Variants in MREG observed in about 807,000 individuals in gnomAD.
The protein encoded by MREG is melanoregulin.
In MREG, 31 loss-of-function variants were observed where a neutral mutation model predicts 28.5. The observed-to-expected ratio is 1.09, with a 90% CI of 0.82 to 1.47. The LOEUF (loss-of-function observed/expected upper bound fraction) is 1.47, where lower values mean the gene tolerates loss of function less well. MREG is among the 40% of genes most tolerant of loss of function. The pLI is 0.00. For synonymous variants in MREG, 106 were observed against 95.2 expected (o/e 1.11, Z -0.66); for missense variants, 256 against 257.4 (o/e 0.99, Z 0.04).
rs1692230752 is a variant in MREG, at chr2:215,943,388, G to A, written c.*1475C>T. 4.4e-6 allele frequency: 2 copies of A among 456,554 alleles called. No homozygotes were observed. The highest frequency in any genetic ancestry group is 8.8e-6 in the Non-Finnish European group (2 of 226,962). The allele number at this position is 456,554 out of a possible 1,614,324, so 28.3% of individuals were successfully genotyped here. On this transcript the variant is annotated 3_prime_UTR_variant, in exon 5 of 5. Coordinates refer to ENST00000263268, the MANE Select transcript of MREG (RefSeq NM_018000.3). ...TATCTTCTGAAGAGAAGAAGGTCCA[G>A]CAAAGATCTTCAGTGCAATACTCCC...
chr2:215,986,797 A>G (rs776154874), intron 2 of MREG, among the ~76,000 whole-genome samples: 1 of 152,234 alleles, frequency 6.6e-6, no homozygotes, highest in Non-Finnish European at 1.5e-5. Context: ...CTCCCCAGCC[A>G]TGAGGAACTG....
At chr2:216,027,467 A>T (rs1694613097) in intron 1 of MREG, among the ~76,000 whole-genome samples, 1 of 152,174 alleles carries the variant, frequency 6.6e-6, no homozygotes, top group African/African-American at 2.4e-5. Context: ...CAAGGTGGGA[A>T]GATCATTCGA....
chr2:216,033,030 A>G (rs1694734516), upstream of MREG: 2 of 152,218 alleles, frequency 1.3e-5, no homozygotes, highest in Non-Finnish European at 2.9e-5. Context: ...ATAATTCATG[A>G]GGCCATTTTC....
At chr2:216,007,390 T>A (rs1694183204) in intron 1 of MREG, among the ~76,000 whole-genome samples, 1 of 150,012 alleles carries the variant, frequency 6.7e-6, no homozygotes, top group Non-Finnish European at 1.5e-5. Context: ...CTTTTTGTGA[T>A]CACTTAGCAA....
At chr2:216,004,037 C>G (rs1694089500) in intron 1 of MREG, among the ~76,000 whole-genome samples, 2 of 152,160 alleles carry the variant, frequency 1.3e-5, no homozygotes, top group South Asian at 4.1e-4. Context: ...GCAGTGGTCC[C>G]CAGGCCTGCA....
downstream of MREG, chr2:215,941,672 A>G (rs915064894): frequency 2.0e-5 from 3 of 152,244 alleles, no homozygotes; most frequent in African/African-American, 7.2e-5. Context: ...AAATTTGGCA[A>G]AAGATTATAA....
At chr2:216,033,616 T>G (rs531778531), upstream of MREG, 1 of 152,420 alleles carries the variant, frequency 6.6e-6, no homozygotes, top group African/African-American at 2.4e-5. Flanking sequence ...TATTTCCTAT[T>G]GCGGAACTGA....
rs563423789 is a variant in MREG at position 216,029,652 on chromosome 2, T to A, written c.-68+3137A>T. ...CTCAAAATACAAGGATGCTAAGTCA[T>A]GCTCACAAACTCGCCAGAAGCTGAA... On this transcript the variant is annotated intron_variant, in intron 1 of 3. Transcript: ENST00000420348. Among the ~76,000 whole-genome samples the A allele has an allele frequency of 3.3e-5, 5 of 152,238 alleles. No individual in the cohort carries two copies. The East Asian group carries it at 9.6e-4, about 29-fold the overall frequency.
intron 1 of MREG, among the ~76,000 whole-genome samples, chr2:216,011,844 G>A (rs1214550121): frequency 6.6e-6 from 1 of 152,186 alleles, no homozygotes; most frequent in Non-Finnish European, 1.5e-5. Context: ...TAAGAGCCCT[G>A]ACAAGTTCAG....
rs927485574 is a variant in MREG, at chr2:215,980,938, G to A, written c.255+15368C>T. Among the ~76,000 whole-genome samples, 8 of 151,476 alleles carry A rather than the reference G, an allele frequency of 5.3e-5. 1 individual carries two copies. In the South Asian group the frequency reaches 6.3e-4, roughly 12 times the overall value. On this transcript the variant is annotated intron_variant, in intron 2 of 4. Coordinates refer to ENST00000263268, the MANE Select transcript of MREG (RefSeq NM_018000.3). Reference sequence around the variant, plus strand: ...GGAAGGGAAGGGAAGGGAAGGGAACGGAAGAGAAGGGAAATATTAATAACA... The same window carrying A: ...GGAAGGGAAGGGAAGGGAAGGGAACAGAAGAGAAGGGAAATATTAATAACA...
chr2:216,023,770 C>G (rs567510004), intron 1 of MREG, among the ~76,000 whole-genome samples: 1 of 152,122 alleles, frequency 6.6e-6, no homozygotes, highest in Admixed American at 6.5e-5. Context: ...AGGGTTGAAG[C>G]GATTCTCCTG....
intron 2 of MREG, among the ~76,000 whole-genome samples, chr2:215,985,143 T>C (rs1413723422): frequency 6.6e-6 from 1 of 152,102 alleles, no homozygotes; most frequent in Non-Finnish European, 1.5e-5. Flanking sequence ...GCAAAGTGGT[T>C]AGAACAGTGC....
chr2:215,994,179 T>TA (rs1193991246), intron 2 of MREG, among the ~76,000 whole-genome samples: 1 of 152,022 alleles, frequency 6.6e-6, no homozygotes, highest in Admixed American at 6.5e-5. Flanking sequence ...CCATCAATGA[T>TA]AGACTGCATA....
At chr2:215,957,427 T>C (rs1435506753) in intron 2 of MREG, among the ~76,000 whole-genome samples, 14 of 144,462 alleles carry the variant, frequency 9.7e-5, no homozygotes, top group Non-Finnish European at 1.4e-4. Context: ...TTCCCATCCC[T>C]CCCTCCCCCA....
At chr2:216,018,117 C>T (rs1255835537), upstream of MREG, among the ~76,000 whole-genome samples, 2 of 151,938 alleles carry the variant, frequency 1.3e-5, no homozygotes, top group South Asian at 2.1e-4. Context: ...GAGCTGAGAT[C>T]GCACCACTGC....
chr2:215,999,744 C>T (rs1693965137), intron 1 of MREG, among the ~76,000 whole-genome samples: 1 of 152,126 alleles, frequency 6.6e-6, no homozygotes, highest in South Asian at 2.1e-4. Flanking sequence ...TGGTGGGAGG[C>T]ACAGAGGTAC....
intron 2 of MREG, among the ~76,000 whole-genome samples, chr2:215,991,570 G>A (rs1268339186): frequency 1.3e-5 from 2 of 148,402 alleles, no homozygotes; most frequent in African/African-American, 2.5e-5. Context: ...GTAGAGACAC[G>A]AAAAACCGTT....
intron 2 of MREG, among the ~76,000 whole-genome samples, chr2:215,989,299 G>C (rs958067887): frequency 2.0e-5 from 3 of 152,160 alleles, no homozygotes; most frequent in African/African-American, 7.2e-5. Flanking sequence ...CTGCAGCAGA[G>C]AGGCCTGACT....
chr2:216,000,485 A>G (rs1169810460), intron 1 of MREG, among the ~76,000 whole-genome samples: 1 of 151,956 alleles, frequency 6.6e-6, no homozygotes, highest in East Asian at 1.9e-4. Context: ...AGCTGCAACC[A>G]TGGCTTCCAA....
Sources: gnomAD v4.1 joint callset for allele counts (sites outside exome capture counted in the v4.1 genomes callset) on GRCh38, gnomAD v4.1.1 for gene constraint, MANE v1.5 for transcripts, NCBI Gene and HGNC (gene_info 2026-07-23, HGNC 2026-07-21) for gene names.